The following F13B variants were observed in gnomAD, a reference collection of about 807,000 sequenced individuals.
The protein encoded by F13B is TGase.
F13B carries 58 observed loss-of-function variants against 79.8 expected under a neutral mutation model. The observed-to-expected ratio is 0.73, with a 90% CI of 0.59 to 0.90. The LOEUF is 0.90. F13B is among the 40% of genes least tolerant of loss of function. The probability of loss-of-function intolerance (pLI) is 0.00; values close to 1 mark genes in which losing one functional copy is unlikely to be tolerated. For synonymous variants in F13B, 283 were observed against 260.3 expected (o/e 1.09, Z -0.84); for missense variants, 773 against 777.0 (o/e 0.99, Z 0.06).
chr1:197,058,152 C>A (rs1655717195), intron 5 of F13B, among the ~76,000 whole-genome samples: 1 of 152,178 alleles, frequency 6.6e-6, no homozygotes, highest in South Asian at 2.1e-4. Context: ...AGGCATTTTA[C>A]ATTCATTACC....
intron 8 of F13B, among the ~76,000 whole-genome samples, chr1:197,054,214 C>T (rs1655555563): frequency 6.6e-6 from 1 of 152,060 alleles, no homozygotes; most frequent in African/African-American, 2.4e-5. Context: ...GATGTATTTC[C>T]TTAAATGTTG....
At position 197,060,406 on chromosome 1, in the gene F13B, G is replaced by A. The variant is rs5994; in HGVS notation, c.765C>T (p.Cys255=). The change falls in exon 5 of 12, where the codon TGC becomes TGT. Residue 255 remains cysteine (C), a synonymous_variant. Transcript: ENST00000367412. The part of the protein sequence containing the change: ...YYLSGSDLIQ[C]YNFGWYPESP... ...ATTCTGGGTACCAACCAAAGTTATA[G>A]CATTGAATTAAATCAGATCCACTTA... is the stretch of plus-strand genomic sequence containing the variant. The A allele has an allele frequency of 1.4e-3, 2,276 of 1,612,346 alleles. 31 individuals carry two copies. In the African/African-American group the frequency reaches 0.027, roughly 19 times the overall value.
chr1:197,040,757 AAAAG>A (rs775772881), intron 10 of F13B, 22 bp from the exon 11 acceptor site: 11 of 1,544,752 alleles, frequency 7.1e-6, no homozygotes, highest in Non-Finnish European at 9.7e-6. Flanking sequence ...AATTTAAAAA[AAAAG>A]AAAGAAAAAG....
chr1:197,045,513 A>C (rs1205150958), intron 10 of F13B, among the ~76,000 whole-genome samples: 1 of 152,184 alleles, frequency 6.6e-6, no homozygotes, highest in African/African-American at 2.4e-5. Context: ...TTGAGGCAAT[A>C]ATTAATAGCC....
At chr1:197,063,317 A>G (rs1032407198) in intron 1 of F13B, among the ~76,000 whole-genome samples, 5 of 152,074 alleles carry the variant, frequency 3.3e-5, no homozygotes, top group African/African-American at 1.2e-4. Flanking sequence ...ATAACTTCGT[A>G]GAACAGTACT....
At chr1:197,048,758 A>G (rs1209991789) in intron 10 of F13B, among the ~76,000 whole-genome samples, 1 of 152,144 alleles carries the variant, frequency 6.6e-6, no homozygotes, top group East Asian at 1.9e-4. Context: ...TAACTTAAAC[A>G]TCAAAAACAA....
At chr1:197,040,441 T>C (rs1654993588) in intron 11 of F13B, 81 bp downstream of exon 11, 2 of 938,632 alleles carry the variant, frequency 2.1e-6, no homozygotes, top group Non-Finnish European at 3.5e-6. Context: ...GTATGAGTGG[T>C]ATAGAACATA....
chr1:197,062,052 T>C, intron 2 of F13B, 83 bp from the exon 3 acceptor site: 1 of 1,192,078 alleles, frequency 8.4e-7, no homozygotes, highest in Non-Finnish European at 1.2e-6. Flanking sequence ...AAAAGTATAA[T>C]GTTATTATTG....
chr1:197,052,201 A>T (rs914596607), intron 9 of F13B, among the ~76,000 whole-genome samples: 7 of 152,102 alleles, frequency 4.6e-5, no homozygotes, highest in African/African-American at 1.7e-4. Context: ...TAATTTTTGT[A>T]TAAGGTGTAA....
intron 5 of F13B, among the ~76,000 whole-genome samples, chr1:197,057,758 ACT>A (rs10574253): frequency 0.02 from 3,040 of 152,034 alleles, 108 homozygotes; most frequent in African/African-American, 0.07. Context: ...TTGCCAAGAG[ACT>A]CTCTATCCTT....
At chr1:197,060,282 G>A in intron 5 of F13B, 84 bp downstream of exon 5, 1 of 989,462 alleles carries the variant, frequency 1.0e-6, no homozygotes, top group Non-Finnish European at 1.6e-6. Flanking sequence ...AAATAGATAT[G>A]ACCACAGGAA....
At chr1:197,058,072 TTC>T (rs1257338680) in intron 5 of F13B, among the ~76,000 whole-genome samples, 1 of 152,126 alleles carries the variant, frequency 6.6e-6, no homozygotes, top group Middle Eastern at 3.2e-3. Context: ...GGGAAATAAT[TTC>T]TTTGTGTTGT....
At chr1:197,060,832 A>G (rs1571568470) in intron 4 of F13B, 67 bp downstream of exon 4, 4 of 1,419,338 alleles carry the variant, frequency 2.8e-6, no homozygotes, top group East Asian at 4.6e-5. Context: ...ATGACAACTT[A>G]TATACACTTC....
At chr1:197,058,931 G>C (rs952197841) in intron 5 of F13B, among the ~76,000 whole-genome samples, 1 of 152,088 alleles carries the variant, frequency 6.6e-6, no homozygotes, top group Admixed American at 6.6e-5. Context: ...GGTATAAAAG[G>C]CCTTAAGTAG....
At chr1:197,061,129 A>T in intron 3 of F13B, 54 bp from the exon 4 acceptor site, 1 of 889,098 alleles carries the variant, frequency 1.1e-6, no homozygotes, top group Non-Finnish European at 1.6e-6. Context: ...CCTAGATTAT[A>T]AAAAATCTCA....
At chr1:197,040,085 T>C (rs1454380865) in intron 11 of F13B, 1 of 162,412 alleles carries the variant, frequency 6.2e-6, no homozygotes, top group Non-Finnish European at 1.3e-5. Context: ...GGAAACACTT[T>C]AGTATGTAAT....
chr1:197,039,451 T>C (rs754964442), intron 11 of F13B, 40 bp from the exon 12 acceptor site: 3 of 1,556,832 alleles, frequency 1.9e-6, no homozygotes, highest in African/African-American at 2.7e-5. Context: ...TAAGCATCAA[T>C]TGCAGTCAGG....
At position 197,040,513 on chromosome 1, in the gene F13B, A is replaced by AT; in HGVS notation, c.1952+8_1952+9insA. On this transcript the variant is annotated intron_variant, in intron 11 of 11. Coordinates refer to ENST00000367412, the MANE Select transcript of F13B (RefSeq NM_001994.3). ...AAAATAATCTGACCAAAAAAAAAAA[A>AT]CTTCTTACCTTTGTCTTGGAATACA... 6.2e-7 allele frequency: 1 copy of AT among 1,604,424 alleles called. No individual in the cohort carries two copies. Among genetic ancestry groups the AT allele is most frequent in the Non-Finnish European group, 8.5e-7 (1 of 1,173,558 alleles).
At chr1:197,045,061 G>A (rs1444946198) in intron 10 of F13B, among the ~76,000 whole-genome samples, 1 of 152,128 alleles carries the variant, frequency 6.6e-6, no homozygotes, top group East Asian at 1.9e-4. Flanking sequence ...ATGCAGGAAA[G>A]ATCTAAAATC....
Sources: gnomAD v4.1 joint callset for allele counts (sites outside exome capture counted in the v4.1 genomes callset) on GRCh38, gnomAD v4.1.1 for gene constraint, MANE v1.5 for transcripts, NCBI Gene and HGNC (gene_info 2026-07-23, HGNC 2026-07-21) for gene names.